The following MBOAT1 variants were observed in gnomAD, a reference collection of about 807,000 sequenced individuals.
The protein encoded by MBOAT1 is membrane bound glycerophospholipid O-acyltransferase 1.
A neutral mutation model predicts 64.4 loss-of-function variants in MBOAT1; 67 were observed. The observed-to-expected ratio is 1.04, with a 90% CI of 0.85 to 1.27. The LOEUF is 1.27. Ranked by LOEUF, MBOAT1 falls within the 50% of genes most tolerant of loss-of-function variation. The probability of loss-of-function intolerance (pLI) is 0.00; values close to 1 mark genes in which losing one functional copy is unlikely to be tolerated. For synonymous variants in MBOAT1, 229 were observed against 218.9 expected (o/e 1.05, Z -0.41); for missense variants, 563 against 604.6 (o/e 0.93, Z 0.72).
chr6:20,174,451 A>T (rs1263893744), intron 1 of MBOAT1, among the ~76,000 whole-genome samples: 2 of 152,222 alleles, frequency 1.3e-5, no homozygotes, highest in African/African-American at 4.8e-5. Flanking sequence ...GTATCTAAAC[A>T]TAGAAAAGAT....
At chr6:20,113,114 T>C in intron 10 of MBOAT1, 106 bp from the exon 11 acceptor site, 1 of 1,351,330 alleles carries the variant, frequency 7.4e-7, no homozygotes, top group Non-Finnish European at 1.0e-6. Context: ...TGGTTGTTAC[T>C]GATGAGATGC....
chr6:20,116,057 C>T (rs529006127), intron 9 of MBOAT1, among the ~76,000 whole-genome samples: 1 of 152,024 alleles, frequency 6.6e-6, no homozygotes, highest in African/African-American at 2.4e-5. Flanking sequence ...TGCAGCCGGG[C>T]GTGGTGGCTC....
At chr6:20,175,383 C>T (rs113996069) in intron 1 of MBOAT1, among the ~76,000 whole-genome samples, 3,848 of 151,990 alleles carry the variant, frequency 0.025, 68 homozygotes, top group South Asian at 0.04. Flanking sequence ...CTCAGCCTCC[C>T]GACTAGCTAG....
intron 1 of MBOAT1, among the ~76,000 whole-genome samples, chr6:20,197,152 A>C (rs1018569782): frequency 6.6e-6 from 1 of 151,728 alleles, no homozygotes; most frequent in Non-Finnish European, 1.5e-5. Context: ...GAGTCTCACT[A>C]TGTTGCTTAG....
intron 12 of MBOAT1, among the ~76,000 whole-genome samples, chr6:20,104,047 A>G (rs1054369066): frequency 6.6e-6 from 1 of 152,130 alleles, no homozygotes; most frequent in African/African-American, 2.4e-5. Flanking sequence ...TACCTTCTCT[A>G]TGTTTAGATA....
At chr6:20,150,012 C>A (rs1359595799) in intron 3 of MBOAT1, among the ~76,000 whole-genome samples, 1 of 152,032 alleles carries the variant, frequency 6.6e-6, no homozygotes, top group African/African-American at 2.4e-5. Flanking sequence ...TTGGAGGATA[C>A]AACAGTGAAA....
chr6:20,177,123 C>G (rs1762364599), intron 1 of MBOAT1, among the ~76,000 whole-genome samples: 2 of 152,164 alleles, frequency 1.3e-5, no homozygotes, highest in African/African-American at 4.8e-5. Flanking sequence ...GCACTAAAGA[C>G]CTCCCAGGGT....
At chr6:20,121,593 T>G (rs1230958639) in intron 8 of MBOAT1, among the ~76,000 whole-genome samples, 1 of 152,228 alleles carries the variant, frequency 6.6e-6, no homozygotes, top group East Asian at 1.9e-4. Flanking sequence ...CCCATGGCAC[T>G]TCCCAGTCCA....
At chr6:20,154,770 T>G (rs1330315372) in intron 1 of MBOAT1, among the ~76,000 whole-genome samples, 2 of 152,244 alleles carry the variant, frequency 1.3e-5, no homozygotes, top group East Asian at 3.9e-4. Context: ...AGAATCACCT[T>G]AGCAAGTTTC....
chr6:20,102,229 G>C lies in MBOAT1; in HGVS notation c.*57C>G. The C allele has an allele frequency of 1.9e-6, 3 of 1,566,816 alleles. No homozygotes were observed. The highest frequency in any genetic ancestry group is 2.8e-5 in the African/African-American group (2 of 72,642). On this transcript the variant is annotated 3_prime_UTR_variant, in exon 13 of 13. Transcript: ENST00000324607. ...CCACCGGAGGAGCCCTTGAAGCCTT[G>C]TCATCTCATCTTTCGAACGTTCTGC...
At chr6:20,193,447 A>G (rs1342203711) in intron 1 of MBOAT1, among the ~76,000 whole-genome samples, 1 of 152,100 alleles carries the variant, frequency 6.6e-6, no homozygotes. Flanking sequence ...TTAATGAGAG[A>G]CTACCTTGGT....
At chr6:20,192,995 C>CTTTTTTTTTTTTT (rs1174816793) in intron 1 of MBOAT1, among the ~76,000 whole-genome samples, 650 of 55,034 alleles carry the variant, frequency 0.012, 215 homozygotes, top group Non-Finnish European at 0.017. Context: ...GCTATAATTT[C>CTTTTTTTTTTTTT]TTTTTTTTTT....
intron 2 of MBOAT1, among the ~76,000 whole-genome samples, chr6:20,152,277 A>C (rs1441633954): frequency 4.0e-5 from 6 of 151,802 alleles, no homozygotes; most frequent in African/African-American, 1.5e-4. Context: ...CAGTGAGCCA[A>C]GATCGCGCCA....
intron 7 of MBOAT1, 75 bp downstream of exon 7, chr6:20,126,442 T>C (rs1249918484): frequency 7.9e-7 from 1 of 1,268,056 alleles, no homozygotes; most frequent in Non-Finnish European, 1.1e-6. Flanking sequence ...ACTGTTTGGC[T>C]TCTTAATTAG....
At chr6:20,146,098 G>C (rs1761317555) in intron 3 of MBOAT1, among the ~76,000 whole-genome samples, 1 of 152,182 alleles carries the variant, frequency 6.6e-6, no homozygotes, top group Admixed American at 6.5e-5. Context: ...GAACTGAAAT[G>C]AATACATTAC....
intron 9 of MBOAT1, among the ~76,000 whole-genome samples, chr6:20,117,357 T>C (rs1191751743): frequency 6.6e-6 from 1 of 152,186 alleles, no homozygotes; most frequent in Non-Finnish European, 1.5e-5. Context: ...ATATATGATG[T>C]AATTTACTTA....
At chr6:20,204,843 C>G (rs1459962785) in intron 1 of MBOAT1, among the ~76,000 whole-genome samples, 1 of 152,216 alleles carries the variant, frequency 6.6e-6, no homozygotes, top group South Asian at 2.1e-4. Context: ...AGTCCTGCCT[C>G]TGCCCCTTCC....
intron 1 of MBOAT1, among the ~76,000 whole-genome samples, chr6:20,194,899 T>C (rs1762910319): frequency 6.6e-6 from 1 of 152,236 alleles, no homozygotes; most frequent in Admixed American, 6.5e-5. Context: ...GTTTATTTTA[T>C]ACTTTGAGTA....
intron 1 of MBOAT1, among the ~76,000 whole-genome samples, chr6:20,210,708 C>G (rs978001104): frequency 2.0e-5 from 3 of 149,166 alleles, no homozygotes; most frequent in Non-Finnish European, 3.0e-5. Flanking sequence ...ACATTAAAAA[C>G]ATTATTCTAG....
Sources: gnomAD v4.1 joint callset for allele counts (sites outside exome capture counted in the v4.1 genomes callset) on GRCh38, gnomAD v4.1.1 for gene constraint, MANE v1.5 for transcripts, NCBI Gene and HGNC (gene_info 2026-07-23, HGNC 2026-07-21) for gene names.